Variants in UNC13C observed in about 807,000 individuals in gnomAD.
UNC13C encodes unc-13 homolog C.
In UNC13C, 174 loss-of-function variants were observed where a neutral mutation model predicts 245.4. That is an observed-to-expected ratio of 0.71 (90% CI 0.63 to 0.80). The LOEUF is 0.80. Among genes scored for constraint, UNC13C ranks in the 30% least tolerant of loss-of-function variants. UNC13C has a pLI of 0.00. For synonymous variants in UNC13C, 992 were observed against 895.1 expected (o/e 1.11, Z -1.93); for missense variants, 2,829 against 2,602.9 (o/e 1.09, Z -1.89).
chr15:54,088,750 T>G (rs1436249527), intron 2 of UNC13C, among the ~76,000 whole-genome samples: 1 of 152,190 alleles, frequency 6.6e-6, no homozygotes, highest in African/African-American at 2.4e-5. Context: ...GGAGACAATG[T>G]GATGTACAGT....
chr15:54,532,657 C>T (rs1895804360), intron 25 of UNC13C, among the ~76,000 whole-genome samples: 1 of 132,724 alleles, frequency 7.5e-6, no homozygotes, highest in African/African-American at 2.5e-5. Flanking sequence ...TCAACTGTGA[C>T]TATCAGAGGT....
chr15:54,372,305 T>G (rs2039503885), intron 17 of UNC13C, among the ~76,000 whole-genome samples: 1 of 152,094 alleles, frequency 6.6e-6, no homozygotes, highest in South Asian at 2.1e-4. Context: ...TGTTTTCTAT[T>G]AGTAATAGAA....
At chr15:54,053,756 C>T (rs1440121781) in intron 2 of UNC13C, among the ~76,000 whole-genome samples, 1 of 151,930 alleles carries the variant, frequency 6.6e-6, no homozygotes, top group African/African-American at 2.4e-5. Context: ...ATTTCTGGAC[C>T]CATTAACCAT....
chr15:54,099,355 G>A (rs752665676), intron 2 of UNC13C, among the ~76,000 whole-genome samples: 7 of 152,054 alleles, frequency 4.6e-5, no homozygotes, highest in Admixed American at 2.0e-4. Context: ...GCTGCAAATC[G>A]TATTACTGAA....
intron 2 of UNC13C, chr15:54,050,444 G>A (rs755602759): frequency 9.0e-6 from 5 of 554,220 alleles, no homozygotes; most frequent in Non-Finnish European, 1.8e-5. Context: ...ACCTGGGCTT[G>A]CTGAGCTAAA....
intron 17 of UNC13C, among the ~76,000 whole-genome samples, chr15:54,341,073 A>T (rs1028922327): frequency 2.0e-5 from 3 of 152,332 alleles, no homozygotes; most frequent in Non-Finnish European, 4.4e-5. Flanking sequence ...TTAAAACAGA[A>T]CTACCATTTG....
the UNC13C span, among the ~76,000 whole-genome samples, chr15:53,942,579 AGAATT>A: frequency 6.6e-6 from 1 of 151,902 alleles, no homozygotes; most frequent in Admixed American, 6.6e-5. Context: ...AAAAAAAAAA[AGAATT>A]AGTTCATTAC....
chr15:54,525,759 A>G (rs367647689), intron 25 of UNC13C, 122 bp downstream of exon 25: 3 of 788,962 alleles, frequency 3.8e-6, no homozygotes, highest in Non-Finnish European at 2.1e-6. Context: ...CCCAATCTAA[A>G]TGTCATTTTC....
Position 54,250,214 on chromosome 15 carries a change from C to G in UNC13C, c.3229-11C>G, listed in dbSNP as rs369389564. The G allele has an allele frequency of 9.9e-6, 16 of 1,612,826 alleles. No homozygotes were observed. Among genetic ancestry groups the G allele is most frequent in the Non-Finnish European group, 1.1e-5 (13 of 1,179,048 alleles). ...TTGGCGGTGCATTGGTAACTTCTCT[C>G]ATGTTCACAGAAAATGCACGTCTTC... is the stretch of plus-strand genomic sequence containing the variant. On this transcript the variant is annotated splice_polypyrimidine_tract_variant and intron_variant, in intron 7 of 32. Transcript: ENST00000260323.
At chr15:54,364,501 T>C (rs1285938162) in intron 17 of UNC13C, among the ~76,000 whole-genome samples, 1 of 152,182 alleles carries the variant, frequency 6.6e-6, no homozygotes, top group Admixed American at 6.5e-5. Flanking sequence ...TTTAATGTCA[T>C]TTTGTACACA....
In UNC13C at chr15:54,226,691, T is replaced by A. The variant is rs140997122; in HGVS notation, c.3072-8339T>A. Among the ~76,000 whole-genome samples, 1,055 of 152,264 alleles carry A rather than the reference T, an allele frequency of 6.9e-3. 14 individuals are homozygous for A. The highest frequency in any genetic ancestry group is 9.1e-3 in the Non-Finnish European group (620 of 68,018). On this transcript the variant is annotated intron_variant, in intron 4 of 32. Transcript: ENST00000260323. ...GTCCAGCCACGGTGTAAAACCAAGCTGAGGCTGGCCGCTGAGGCAGGGCAG... is the reference window on the plus strand; with the variant it reads ...GTCCAGCCACGGTGTAAAACCAAGCAGAGGCTGGCCGCTGAGGCAGGGCAG...
intron 6 of UNC13C, among the ~76,000 whole-genome samples, 155 bp downstream of exon 6, chr15:54,236,590 C>G (rs2035707297): frequency 6.6e-6 from 1 of 152,162 alleles, no homozygotes; most frequent in Admixed American, 6.5e-5. Context: ...ACCTCTGGTT[C>G]AATTCTGAAA....
intron 1 of UNC13C, among the ~76,000 whole-genome samples, chr15:53,989,900 G>A (rs1230749848): frequency 6.6e-6 from 1 of 151,994 alleles, no homozygotes; most frequent in Non-Finnish European, 1.5e-5. Context: ...CTCTGACACT[G>A]TCATGATAAG....
chr15:53,857,995 G>T, the UNC13C span, among the ~76,000 whole-genome samples: 2 of 152,148 alleles, frequency 1.3e-5, no homozygotes, highest in Non-Finnish European at 2.9e-5. Context: ...TGCTTAACAT[G>T]CTGCTTTCTT....
intron 30 of UNC13C, among the ~76,000 whole-genome samples, chr15:54,617,972 A>C (rs755228609): frequency 1.4e-4 from 21 of 152,076 alleles, no homozygotes; most frequent in African/African-American, 2.4e-4. Flanking sequence ...AAACCTAAGC[A>C]ATTGGTTAAC....
chr15:54,262,984 G>A lies in UNC13C; in HGVS notation c.3449-1184G>A, dbSNP rs529940858. Among the ~76,000 whole-genome samples the A allele has an allele frequency of 3.3e-5, 5 of 152,086 alleles. No homozygotes were observed. In the East Asian group the frequency reaches 7.7e-4, roughly 23 times the overall value. ...ATTGGGCTCAACATTCACAAATTAGGTTCAAAGAACATTACTGATATTATC... is the reference window on the plus strand; with the variant it reads ...ATTGGGCTCAACATTCACAAATTAGATTCAAAGAACATTACTGATATTATC... On this transcript the variant is annotated intron_variant, in intron 8 of 32. Coordinates refer to ENST00000260323, the MANE Select transcript of UNC13C (RefSeq NM_001080534.3).
intron 2 of UNC13C, among the ~76,000 whole-genome samples, chr15:54,121,287 T>C (rs940829587): frequency 1.3e-5 from 2 of 152,178 alleles, no homozygotes; most frequent in African/African-American, 4.8e-5. Flanking sequence ...ATAACCTTCA[T>C]CAGCAAAAAG....
At chr15:54,070,321 T>C (rs1281026403) in intron 2 of UNC13C, among the ~76,000 whole-genome samples, 5 of 152,182 alleles carry the variant, frequency 3.3e-5, no homozygotes, top group African/African-American at 1.2e-4. Flanking sequence ...ATAATCTAGT[T>C]AGGCATAAAA....
chr15:53,881,555 C>T, the UNC13C span, among the ~76,000 whole-genome samples: 2 of 152,182 alleles, frequency 1.3e-5, no homozygotes, highest in Non-Finnish European at 2.9e-5. Flanking sequence ...TAGAGGGTGT[C>T]AACTTCTAAT....
Sources: allele counts gnomAD v4.1 joint callset (sites outside exome capture counted in the v4.1 genomes callset), GRCh38; gene constraint gnomAD v4.1.1; transcripts MANE v1.5; gene names NCBI Gene and HGNC (gene_info 2026-07-23, HGNC 2026-07-21).